The following PLXNB2 variants were observed in gnomAD, a reference collection of about 807,000 sequenced individuals.
PLXNB2 encodes plexin-B2.
In PLXNB2, 85 loss-of-function variants were observed where a neutral mutation model predicts 202.6. That is an observed-to-expected ratio of 0.42 (90% CI 0.35 to 0.50). The LOEUF (loss-of-function observed/expected upper bound fraction) is 0.50. Ranked by LOEUF, PLXNB2 falls within the 20% of genes least tolerant of loss-of-function variation. The pLI is 0.02. For synonymous variants in PLXNB2, 1,239 were observed against 1,137.6 expected (o/e 1.09, Z -1.79); for missense variants, 2,063 against 2,586.2 (o/e 0.80, Z 4.39).
rs147014223 is a variant in PLXNB2, at chr22:50,296,937, T to C, written c.-73-2159A>G. On this transcript the variant is annotated intron_variant, in intron 1 of 36. Coordinates refer to ENST00000359337, the MANE Select transcript of PLXNB2 (RefSeq NM_012401.4). Reference sequence around the variant, plus strand: ...CTGTGCATGGACTGTGCTACCCTGCTGCACAGGTAAGGGTTAACCCGGCCA... The same window carrying C: ...CTGTGCATGGACTGTGCTACCCTGCCGCACAGGTAAGGGTTAACCCGGCCA... 4.6e-4 allele frequency among the ~76,000 whole-genome samples: 70 copies of C among 152,250 alleles called. No individual in the cohort carries two copies. The East Asian group carries it at 0.012, about 25-fold the overall frequency.
At position 50,290,345 on chromosome 22, in the gene PLXNB2, C is replaced by A. The variant is rs201798239; in HGVS notation, c.240G>T (p.Pro80=). 1 of 1,612,516 alleles carries A rather than the reference C, an allele frequency of 6.2e-7. No individual in the cohort carries two copies. The highest frequency in any genetic ancestry group is 1.1e-5 in the South Asian group (1 of 91,084). The stretch of plus-strand genomic sequence containing the variant: ...CATGGCACTGGCTGGCCTCGATGGG[C>A]GGCGTGCACTTCTTGTTGTCCAGGG... ...GPALDNKKCT[P]PIEASQCHEA... Residue 80 remains proline, a synonymous_variant, in exon 3 of 37, where the codon CCG becomes CCT. Coordinates refer to ENST00000359337, the MANE Select transcript of PLXNB2 (RefSeq NM_012401.4).
intron 36 of PLXNB2, 30 bp from the exon 37 acceptor site, chr22:50,275,838 G>T: frequency 6.2e-7 from 1 of 1,608,382 alleles, no homozygotes; most frequent in Non-Finnish European, 8.5e-7. Flanking sequence ...GAGCACACCG[G>T]GGGACCGCCC....
rs759918658 is a variant in PLXNB2, at chr22:50,282,697, G to T, written c.2987+14C>A. On this transcript the variant is annotated intron_variant, in intron 18 of 36. Transcript: ENST00000359337. Reference sequence around the variant, plus strand: ...TGTGGGGAGCAGAGGGGGGCGGGGGGACACCAGCCTCACCTGGCAAAGCTT... The same window carrying T: ...TGTGGGGAGCAGAGGGGGGCGGGGGTACACCAGCCTCACCTGGCAAAGCTT... 3 of 1,580,796 alleles carry T rather than the reference G, an allele frequency of 1.9e-6. No individual in the cohort carries two copies. In the East Asian group the frequency reaches 6.9e-5, roughly 36 times the overall value.
At position 50,287,863 on chromosome 22, in the gene PLXNB2, G is replaced by A. The variant is rs528891029; in HGVS notation, c.1482-70C>T. ...CTCCCGGGACAGGACAGTGCGATGT[G>A]CCCCCCGACCCAGGCCACGACCTTC... On this transcript the variant is annotated intron_variant, in intron 6 of 36. Transcript: ENST00000359337. 250 of 1,592,612 alleles carry A rather than the reference G, an allele frequency of 1.6e-4. 1 individual carries two copies. The African/African-American group carries it at 1.9e-3, about 12-fold the overall frequency.
intron 1 of PLXNB2, among the ~76,000 whole-genome samples, chr22:50,306,682 CA>C (rs1403233880): frequency 4.8e-5 from 1 of 20,850 alleles, no homozygotes; most frequent in Non-Finnish European, 8.1e-5. Context: ...GTTTGGGGCC[CA>C]CCCTCACCCT....
In PLXNB2 at chr22:50,277,978, C is replaced by T. The variant is rs1220556577; in HGVS notation, c.4923G>A (p.Gln1641=). ...TLQQFVDNFF[Q]SVLAPGHAVP... is the part of the protein sequence containing the mutation. ...CCGCGTGCCCAGGCGCCAGCACGCT[C>T]TGGAAGAAGTTGTCCACAAACTGCT... Residue 1641 remains glutamine, a synonymous_variant, in exon 32 of 37, where the codon CAG becomes CAA. Coordinates refer to ENST00000359337, the MANE Select transcript of PLXNB2 (RefSeq NM_012401.4). The T allele has an allele frequency of 6.2e-7, 1 of 1,612,834 alleles. No homozygotes were observed. The highest frequency in any genetic ancestry group is 1.3e-5 in the African/African-American group (1 of 74,872).
At chr22:50,282,490 G>T in intron 18 of PLXNB2, 177 bp from the exon 19 acceptor site, 1 of 732,500 alleles carries the variant, frequency 1.4e-6, no homozygotes, top group Non-Finnish European at 2.2e-6. Context: ...TGTGCCGCAA[G>T]TGGGCGGGGG....
Position 50,290,574 on chromosome 22 carries a change from T to G in PLXNB2, c.11A>C (p.Gln4Pro), listed in dbSNP as rs542502824. The change falls in exon 3 of 37, where the codon CAG (glutamine) becomes CCG (proline). Residue 4 changes from glutamine (Q) to proline (P), a missense_variant. Around this residue, in one of 2 missense-constraint regions of PLXNB2, gnomAD observed 1,303 missense variants for 1,476.8 expected, o/e 0.88. Coordinates refer to ENST00000359337, the MANE Select transcript of PLXNB2 (RefSeq NM_012401.4). Reference protein sequence around the residue: MALQLWALTLLGLL... With the variant: MALPLWALTLLGLL... ...GCCCAGCAGGGTCAGGGCCCAGAGC[T>G]GCAGTGCCATTGCCCCCCGCACCCT... The G allele has an allele frequency of 1.5e-5, 24 of 1,606,774 alleles. No individual in the cohort carries two copies. Among genetic ancestry groups the G allele is most frequent in the South Asian group, 1.1e-4 (10 of 90,464 alleles).
intron 1 of PLXNB2, among the ~76,000 whole-genome samples, chr22:50,295,784 G>A (rs1435789337): frequency 6.6e-6 from 1 of 152,098 alleles, no homozygotes; most frequent in Non-Finnish European, 1.5e-5. Context: ...AGAGGCTCCA[G>A]AAGCCGTCAA....
At position 50,283,978 on chromosome 22, in the gene PLXNB2, T is replaced by C. The variant is rs772506820; in HGVS notation, c.2276A>G (p.Asn759Ser). ...IDSKLHVTLY[N>S]CSFGRSDCSL... ...GCAGTCGCTGCGGCCAAAGGAGCAGTTGTAGAGGGTCACTGCGGGGAGAGC... is the reference window on the plus strand; with the variant it reads ...GCAGTCGCTGCGGCCAAAGGAGCAGCTGTAGAGGGTCACTGCGGGGAGAGC... The change falls in exon 14 of 37, where the codon AAC becomes AGC. Residue 759 changes from asparagine to serine, a missense_variant. Physicochemically the swap from Asn to Ser is conservative, Grantham distance 46. Coordinates refer to ENST00000359337, the MANE Select transcript of PLXNB2 (RefSeq NM_012401.4). The C allele has an allele frequency of 5.8e-6, 9 of 1,544,980 alleles. No homozygotes were observed. Among genetic ancestry groups the C allele is most frequent in the East Asian group, 4.8e-5 (2 of 41,406 alleles).
In PLXNB2 at chr22:50,288,951, G is replaced by A; in HGVS notation, c.1251+9C>T. On this transcript the variant is annotated intron_variant, in intron 4 of 36. Coordinates refer to ENST00000359337, the MANE Select transcript of PLXNB2 (RefSeq NM_012401.4). This position sits in a 1 kb window ranked among gnomAD's most constrained non-coding sequence, Gnocchi z 5.0. ...CTCCAGAGCCTCCCCGCCCCAGCCT[G>A]GGCCAAACCTTGAGGATCCGGCCAT... 1 of 1,607,268 alleles carries A rather than the reference G, an allele frequency of 6.2e-7. No individual in the cohort carries two copies. Among genetic ancestry groups the A allele is most frequent in the South Asian group, 1.1e-5 (1 of 90,966 alleles).
intron 1 of PLXNB2, among the ~76,000 whole-genome samples, chr22:50,296,806 C>T (rs1021703980): frequency 6.6e-6 from 1 of 151,926 alleles, no homozygotes; most frequent in African/African-American, 2.4e-5. Context: ...GCCCCACTCT[C>T]CTCCCACCCC....
rs935839638 is a variant in PLXNB2, at chr22:50,281,244, C to T, written c.3663-55G>A. Reference sequence around the variant, plus strand: ...TGCCGGGGCTGGCCGCTCAGCTGCCCGGATGAGGAGGTGGATCTACACGCC... The same window carrying T: ...TGCCGGGGCTGGCCGCTCAGCTGCCTGGATGAGGAGGTGGATCTACACGCC... On this transcript the variant is annotated intron_variant, in intron 22 of 36. Transcript: ENST00000359337. The T allele has an allele frequency of 1.9e-5, 29 of 1,565,620 alleles. No individual in the cohort carries two copies. In the Admixed American group the frequency reaches 2.0e-4, roughly 11 times the overall value.
intron 1 of PLXNB2, among the ~76,000 whole-genome samples, chr22:50,304,299 G>A (rs562905295): frequency 6.6e-6 from 1 of 152,318 alleles, no homozygotes; most frequent in African/African-American, 2.4e-5. Flanking sequence ...ATCTCACAGG[G>A]CAGGGTGGAT....
Position 50,275,337 on chromosome 22 carries a change from G to A in PLXNB2, c.*367C>T, listed in dbSNP as rs1337013964. On this transcript the variant is annotated 3_prime_UTR_variant, in exon 37 of 37. Coordinates refer to ENST00000359337, the MANE Select transcript of PLXNB2 (RefSeq NM_012401.4). The stretch of plus-strand genomic sequence containing the variant: ...GGGCCACAGGCCCTCAGATCCCCCA[G>A]GGGCCCAACCTAGGGCATGGAGGCG... 3 of 458,332 alleles carry A rather than the reference G, an allele frequency of 6.5e-6. No individual in the cohort carries two copies. The highest frequency in any genetic ancestry group is 4.0e-5 in the African/African-American group (2 of 50,088). 28.4% of individuals were successfully genotyped at this position (458,332 alleles called of 1,614,324 possible).
intron 1 of PLXNB2, among the ~76,000 whole-genome samples, chr22:50,298,466 G>A (rs1377500332): frequency 6.6e-6 from 1 of 152,180 alleles, no homozygotes; most frequent in Non-Finnish European, 1.5e-5. Flanking sequence ...AGGCATGTAA[G>A]GGGGAAGGAC....
At chr22:50,282,140 A>G in intron 19 of PLXNB2, 44 bp downstream of exon 19, 1 of 1,604,304 alleles carries the variant, frequency 6.2e-7, no homozygotes. Context: ...CCTGGGCACG[A>G]TCCCATGGGC....
rs2066268161 is a variant in PLXNB2 at position 50,284,439 on chromosome 22, T to C, written c.2181+134A>G. Reference sequence around the variant, plus strand: ...GGGGCTTCCCCAGCAGCACAGGGCATGGCGAGCCCCTGGCTGGGCTCTGGT... The same window carrying C: ...GGGGCTTCCCCAGCAGCACAGGGCACGGCGAGCCCCTGGCTGGGCTCTGGT... On this transcript the variant is annotated intron_variant, in intron 12 of 36. Coordinates refer to ENST00000359337, the MANE Select transcript of PLXNB2 (RefSeq NM_012401.4). The surrounding 1 kb of genome is among the most constrained non-coding windows in gnomAD (Gnocchi z 8.0). 1 of 758,278 alleles carries C rather than the reference T, an allele frequency of 1.3e-6. No homozygotes were observed. The highest frequency in any genetic ancestry group is 1.7e-5 in the South Asian group (1 of 59,342). 47.0% of individuals were successfully genotyped at this position (758,278 alleles called of 1,614,324 possible).
In PLXNB2 at chr22:50,297,568, C is replaced by A. The variant is rs2067369932; in HGVS notation, c.-73-2790G>T. On this transcript the variant is annotated intron_variant, in intron 1 of 36. Transcript: ENST00000359337. The surrounding 1 kb of genome is among the most constrained non-coding windows in gnomAD (Gnocchi z 5.3). ...ACCTCCTCTGCCCGGCCTCTGGCTTCTCCCACCTCCATCCATCTTGCCCTC... is the reference window on the plus strand; with the variant it reads ...ACCTCCTCTGCCCGGCCTCTGGCTTATCCCACCTCCATCCATCTTGCCCTC... Among the ~76,000 whole-genome samples the A allele has an allele frequency of 6.6e-6, 1 of 152,196 alleles. No individual in the cohort carries two copies. The highest frequency in any genetic ancestry group is 2.4e-5 in the African/African-American group (1 of 41,448).
Sources: gnomAD v4.1 joint callset for allele counts (sites outside exome capture counted in the v4.1 genomes callset) on GRCh38, gnomAD v4.1.1 for gene constraint, gnomAD v4.1.1 regional missense constraint, Gnocchi (gnomAD v3.1) non-coding constraint, MANE v1.5 for transcripts, NCBI Gene and HGNC (gene_info 2026-07-23, HGNC 2026-07-21) for gene names.